The following NEMP1 variants were observed in gnomAD, a reference collection of about 807,000 sequenced individuals.
NEMP1 encodes transmembrane protein 194.
A neutral mutation model predicts 53.7 loss-of-function variants in NEMP1; 29 were observed. The observed-to-expected ratio is 0.54, with a 90% CI of 0.40 to 0.74. The LOEUF (loss-of-function observed/expected upper bound fraction) is 0.74, where lower values mean the gene tolerates loss of function less well. NEMP1 is among the 30% of genes least tolerant of loss of function. The pLI is 0.00. For synonymous variants in NEMP1, 193 were observed against 192.9 expected (o/e 1.00, Z 0.00); for missense variants, 477 against 528.6 (o/e 0.90, Z 0.96).
At chr12:57,067,925 A>C (rs2032166694) in intron 4 of NEMP1, among the ~76,000 whole-genome samples, 1 of 152,080 alleles carries the variant, frequency 6.6e-6, no homozygotes, top group Non-Finnish European at 1.5e-5. Flanking sequence ...ATGCACAACC[A>C]TGCCTGGCTA....
At chr12:57,077,729 G>A (rs1209288546) in intron 1 of NEMP1, among the ~76,000 whole-genome samples, 1 of 152,168 alleles carries the variant, frequency 6.6e-6, no homozygotes, top group East Asian at 1.9e-4. Flanking sequence ...TGGATTAACA[G>A]TGTGGTTTCT....
chr12:57,075,616 G>A (rs2032573661), intron 1 of NEMP1, among the ~76,000 whole-genome samples: 2 of 150,618 alleles, frequency 1.3e-5, no homozygotes, highest in South Asian at 4.2e-4. Flanking sequence ...CTGACCTCAG[G>A]AGTTTGAGAC....
chr12:57,078,752 C>T lies in NEMP1; in HGVS notation c.-7G>A. On this transcript the variant is annotated 5_prime_UTR_variant, in exon 1 of 9. Coordinates refer to ENST00000300128, the MANE Select transcript of NEMP1 (RefSeq NM_001130963.2). ...CTTTCATTCCTCCCGCCATGGTTGCCTCAAGCCACCTCCTCCTCACGTGCC... is the reference window on the plus strand; with the variant it reads ...CTTTCATTCCTCCCGCCATGGTTGCTTCAAGCCACCTCCTCCTCACGTGCC... The T allele has an allele frequency of 2.5e-6, 4 of 1,608,964 alleles. No individual in the cohort carries two copies. Among genetic ancestry groups the T allele is most frequent in the South Asian group, 1.1e-5 (1 of 90,640 alleles).
chr12:57,055,688 A>G lies in NEMP1; in HGVS notation c.*4191T>C, dbSNP rs1480516225. The G allele has an allele frequency of 2.0e-5, 3 of 152,270 alleles. No homozygotes were observed. Among genetic ancestry groups the G allele is most frequent in the South Asian group, 2.1e-4 (1 of 4,834 alleles). 9.4% of individuals were successfully genotyped at this position (152,270 alleles called of 1,614,324 possible). ...AAATTGGAATTAGAAACTATACCAAAAACTTTAAAAATACATTAAGACATT... is the reference window on the plus strand; with the variant it reads ...AAATTGGAATTAGAAACTATACCAAGAACTTTAAAAATACATTAAGACATT... On this transcript the variant is annotated 3_prime_UTR_variant, in exon 9 of 9. Transcript: ENST00000300128.
chr12:57,077,689 G>A (rs558232792), intron 1 of NEMP1, among the ~76,000 whole-genome samples: 19 of 152,302 alleles, frequency 1.2e-4, no homozygotes, highest in African/African-American at 4.3e-4. Flanking sequence ...AAGATCAGAA[G>A]AAAGTGTGCT....
At chr12:57,069,329 C>T in intron 3 of NEMP1, 23 bp from the exon 4 acceptor site, 1 of 1,494,604 alleles carries the variant, frequency 6.7e-7, no homozygotes, top group Non-Finnish European at 9.1e-7. Context: ...AAGATTTTTG[C>T]TTAATAAGGG....
At chr12:57,083,951 CTTCTGTT>C (rs1043988185) in intron 1 of NEMP1, among the ~76,000 whole-genome samples, 4 of 110,306 alleles carry the variant, frequency 3.6e-5, no homozygotes, top group African/African-American at 1.6e-4. Context: ...TTTTTGTTTT[CTTCTGTT>C]TTGTTTTGTT....
rs1347925251 is a variant in NEMP1, at chr12:57,057,922, T to C, written c.*1957A>G. The stretch of plus-strand genomic sequence containing the variant: ...CACTTGCACGAGTTGAATTATTTTT[T>C]AAAATAAACTTATGCTTAAATATGC... On this transcript the variant is annotated 3_prime_UTR_variant, in exon 9 of 9. Transcript: ENST00000300128. The C allele has an allele frequency of 6.6e-6, 1 of 152,212 alleles. No homozygotes were observed. Among genetic ancestry groups the C allele is most frequent in the African/African-American group, 2.4e-5 (1 of 41,454 alleles). The allele number at this position is 152,212 out of a possible 1,614,324, so 9.4% of individuals were successfully genotyped here.
At chr12:57,082,878 A>C (rs2032887564), upstream of NEMP1, among the ~76,000 whole-genome samples, 1 of 151,582 alleles carries the variant, frequency 6.6e-6, no homozygotes, top group African/African-American at 2.4e-5. Flanking sequence ...AAAATTAGCC[A>C]GGTGTGGTGG....
intron 8 of NEMP1, 44 bp from the exon 9 acceptor site, chr12:57,060,103 C>T (rs747167503): frequency 6.4e-7 from 1 of 1,562,690 alleles, no homozygotes; most frequent in South Asian, 1.1e-5. Flanking sequence ...TCCTTCTGTC[C>T]TTTCTGGTCT....
intron 3 of NEMP1, 60 bp downstream of exon 3, chr12:57,070,614 C>G: frequency 7.1e-7 from 1 of 1,405,628 alleles, no homozygotes; most frequent in South Asian, 1.3e-5. Context: ...CTAATTATAC[C>G]CTTCAGAACT....
At position 57,059,411 on chromosome 12, in the gene NEMP1, TAA is replaced by T. The variant is rs2031687250; in HGVS notation, c.*466_*467del. 6.5e-6 allele frequency: 1 copy of T among 152,786 alleles called. No individual in the cohort carries two copies. The allele number at this position is 152,786 out of a possible 1,614,324, so 9.5% of individuals were successfully genotyped here. On this transcript the variant is annotated 3_prime_UTR_variant, in exon 9 of 9. Transcript: ENST00000300128. ...AAAACAGTTAAATCAATAATTATTC[TAA>T]AGTCACTGAAATAAAAGCTGGAGTG...
chr12:57,078,620 T>A lies in NEMP1; in HGVS notation c.126A>T (p.Thr42=). The change falls in exon 1 of 9, where the codon ACA becomes ACT. Residue 42 remains threonine (T), a splice_region_variant and synonymous_variant. Coordinates refer to ENST00000300128, the MANE Select transcript of NEMP1 (RefSeq NM_001130963.2). Reference sequence around the variant, plus strand: ...TGGCAGCTGCTGCCCGGGCGGTACCTGTGCCGTAGACCAAGCAGCCGGAGA... The same window carrying A: ...TGGCAGCTGCTGCCCGGGCGGTACCAGTGCCGTAGACCAAGCAGCCGGAGA... ...LILSGCLVYG[T]AETDVNVVML... 1.2e-6 allele frequency: 2 copies of A among 1,610,028 alleles called. No homozygotes were observed. Among genetic ancestry groups the A allele is most frequent in the South Asian group, 1.1e-5 (1 of 90,394 alleles).
chr12:57,064,007 A>C (rs192924367), intron 6 of NEMP1, 64 bp downstream of exon 6: 5 of 970,966 alleles, frequency 5.1e-6, no homozygotes, highest in Middle Eastern at 2.1e-4. Context: ...AAATCTTTTC[A>C]TGATCAAATT....
intron 1 of NEMP1, among the ~76,000 whole-genome samples, chr12:57,073,968 AT>A (rs1335635834): frequency 6.7e-6 from 1 of 150,178 alleles, no homozygotes; most frequent in Admixed American, 6.6e-5. Context: ...TTTTTATTTT[AT>A]TTTTTTATTT....
chr12:57,059,944 A>C lies in NEMP1; in HGVS notation c.1270T>G (p.Ser424Ala), dbSNP rs1592496323. Residue 424 changes from serine to alanine, a missense_variant, in exon 9 of 9, where the codon TCC (serine) becomes GCC (alanine). Coordinates refer to ENST00000300128, the MANE Select transcript of NEMP1 (RefSeq NM_001130963.2). ...IAQDEIYEEA[S>A]SEEEDSYSRC... Reference sequence around the variant, plus strand: ...GAATATGAGTCCTCCTCCTCAGAGGATGCTTCCTCATAGATTTCATCCTGG... The same window carrying C: ...GAATATGAGTCCTCCTCCTCAGAGGCTGCTTCCTCATAGATTTCATCCTGG... 1 of 1,613,724 alleles carries C rather than the reference A, an allele frequency of 6.2e-7. No individual in the cohort carries two copies. The highest frequency in any genetic ancestry group is 8.5e-7 in the Non-Finnish European group (1 of 1,179,920).
chr12:57,058,093 T>C lies in NEMP1; in HGVS notation c.*1786A>G, dbSNP rs971795681. Reference sequence around the variant, plus strand: ...TGTAAAGTTCCTTTTACCCTTCAACTGTAACCCATAGCATCTGCCCAAATA... The same window carrying C: ...TGTAAAGTTCCTTTTACCCTTCAACCGTAACCCATAGCATCTGCCCAAATA... On this transcript the variant is annotated 3_prime_UTR_variant, in exon 9 of 9. Transcript: ENST00000300128. 1 of 152,236 alleles carries C rather than the reference T, an allele frequency of 6.6e-6. No homozygotes were observed. Among genetic ancestry groups the C allele is most frequent in the Non-Finnish European group, 1.5e-5 (1 of 68,032 alleles). The allele number at this position is 152,236 out of a possible 1,614,324, so 9.4% of individuals were successfully genotyped here.
intron 8 of NEMP1, 119 bp downstream of exon 8, chr12:57,060,653 T>C: frequency 9.5e-7 from 1 of 1,055,396 alleles, no homozygotes; most frequent in South Asian, 1.6e-5. Flanking sequence ...TCTTGACTAC[T>C]TGAAGATTAA....
At chr12:57,085,205 C>T (rs561393967) in intron 1 of NEMP1, among the ~76,000 whole-genome samples, 1 of 152,276 alleles carries the variant, frequency 6.6e-6, no homozygotes, top group South Asian at 2.1e-4. Context: ...GTTTTTGAGA[C>T]TCACTTTTTG....
Sources: gnomAD v4.1 joint callset for allele counts (sites outside exome capture counted in the v4.1 genomes callset) on GRCh38, gnomAD v4.1.1 for gene constraint, MANE v1.5 for transcripts, NCBI Gene and HGNC (gene_info 2026-07-23, HGNC 2026-07-21) for gene names.